The following ADGRB3 variants were observed in gnomAD, a reference collection of about 807,000 sequenced individuals.
ADGRB3 encodes brain-specific angiogenesis inhibitor 3.
Under a neutral mutation model 193.4 loss-of-function variants are expected in ADGRB3, and 37 were observed. The observed-to-expected ratio is 0.19, with a 90% confidence interval of 0.15 to 0.25. The LOEUF (loss-of-function observed/expected upper bound fraction) is 0.25, where lower values mean the gene tolerates loss of function less well. ADGRB3 is among the 10% of genes least tolerant of loss of function. ADGRB3 has a pLI of 1.00. For synonymous variants in ADGRB3, 690 were observed against 644.2 expected (o/e 1.07, Z -1.08); for missense variants, 1,637 against 1,852.9 (o/e 0.88, Z 2.14).
At chr6:68,884,896 C>T (rs927587827) in intron 3 of ADGRB3, among the ~76,000 whole-genome samples, 1 of 152,058 alleles carries the variant, frequency 6.6e-6, no homozygotes, top group Non-Finnish European at 1.5e-5. Context: ...CTTCCTATAC[C>T]TCCTAGAAGT....
intron 17 of ADGRB3, among the ~76,000 whole-genome samples, chr6:69,156,722 T>C (rs1018411413): frequency 6.6e-6 from 1 of 152,094 alleles, no homozygotes; most frequent in Non-Finnish European, 1.5e-5. Flanking sequence ...AAACAGAAAA[T>C]CCAATGTTGT....
intron 13 of ADGRB3, among the ~76,000 whole-genome samples, chr6:69,020,267 ATAAC>A (rs1433031868): frequency 6.6e-6 from 1 of 152,134 alleles, no homozygotes; most frequent in East Asian, 1.9e-4. Context: ...AATAAAAACT[ATAAC>A]AAACAAAGCC....
chr6:68,906,723 G>A (rs1234700835), intron 3 of ADGRB3, among the ~76,000 whole-genome samples: 1 of 151,920 alleles, frequency 6.6e-6, no homozygotes, highest in African/African-American at 2.4e-5. Context: ...ATGGTTAATG[G>A]AATGAGCATG....
At chr6:68,726,140 TTATC>T (rs1343729866) in intron 3 of ADGRB3, among the ~76,000 whole-genome samples, 1 of 151,658 alleles carries the variant, frequency 6.6e-6, no homozygotes, top group Non-Finnish European at 1.5e-5. Context: ...CTAGTGAAGA[TTATC>T]TATCAAATAT....
At chr6:69,283,460 G>C (rs1423499940) in intron 20 of ADGRB3, among the ~76,000 whole-genome samples, 1 of 152,082 alleles carries the variant, frequency 6.6e-6, no homozygotes, top group Non-Finnish European at 1.5e-5. Flanking sequence ...TTGGATAGGG[G>C]AAGACTGGGC....
chr6:69,148,526 T>C (rs890188891), intron 17 of ADGRB3, among the ~76,000 whole-genome samples: 2 of 152,188 alleles, frequency 1.3e-5, no homozygotes, highest in African/African-American at 4.8e-5. Flanking sequence ...TTTTGATTGG[T>C]TCATCCTTTA....
chr6:69,283,362 C>G (rs188615423), intron 20 of ADGRB3, among the ~76,000 whole-genome samples: 3 of 152,122 alleles, frequency 2.0e-5, no homozygotes, highest in African/African-American at 7.2e-5. Flanking sequence ...ATGCTTCACC[C>G]TTTTTCTCAA....
intron 15 of ADGRB3, among the ~76,000 whole-genome samples, chr6:69,060,055 G>C (rs748491021): frequency 6.6e-6 from 1 of 152,036 alleles, no homozygotes; most frequent in South Asian, 2.1e-4. Context: ...GTAGGTGCAC[G>C]TTACTGTATT....
chr6:68,686,246 A>C (rs888210313), intron 3 of ADGRB3, among the ~76,000 whole-genome samples: 1 of 152,190 alleles, frequency 6.6e-6, no homozygotes, highest in Non-Finnish European at 1.5e-5. Flanking sequence ...TTTTCTGCTA[A>C]ACCTTTGGCT....
At chr6:68,776,526 A>G (rs1209713680) in intron 3 of ADGRB3, among the ~76,000 whole-genome samples, 1 of 152,110 alleles carries the variant, frequency 6.6e-6, no homozygotes, top group East Asian at 1.9e-4. Context: ...CACCCAGACT[A>G]CTTTCTGCTA....
At chr6:68,768,416 C>A (rs1008134280) in intron 3 of ADGRB3, among the ~76,000 whole-genome samples, 1 of 152,068 alleles carries the variant, frequency 6.6e-6, no homozygotes, top group Non-Finnish European at 1.5e-5. Context: ...CTTTGACAAA[C>A]CTGACAAAAA....
chr6:68,894,371 A>G (rs1165841861), intron 3 of ADGRB3, among the ~76,000 whole-genome samples: 1 of 151,958 alleles, frequency 6.6e-6, no homozygotes, highest in Non-Finnish European at 1.5e-5. Context: ...TAATTGTTGA[A>G]CTTCCAGAAC....
intron 17 of ADGRB3, among the ~76,000 whole-genome samples, chr6:69,119,968 A>T (rs1346957789): frequency 6.6e-6 from 1 of 152,172 alleles, no homozygotes; most frequent in Non-Finnish European, 1.5e-5. Flanking sequence ...ATGAGAGATG[A>T]TGCCATCTCT....
chr6:69,011,219 GA>G (rs768540232), intron 11 of ADGRB3, among the ~76,000 whole-genome samples: 4 of 151,482 alleles, frequency 2.6e-5, no homozygotes, highest in Non-Finnish European at 2.9e-5. Flanking sequence ...CCAGCTGAAA[GA>G]AATGGTGCTA....
At chr6:69,113,220 C>T (rs934805718) in intron 17 of ADGRB3, among the ~76,000 whole-genome samples, 1 of 151,806 alleles carries the variant, frequency 6.6e-6, no homozygotes, top group African/African-American at 2.4e-5. Context: ...TGTATATGTA[C>T]AATATACATA....
chr6:69,150,776 T>C (rs769679220), intron 17 of ADGRB3, among the ~76,000 whole-genome samples: 5 of 152,222 alleles, frequency 3.3e-5, no homozygotes, highest in Non-Finnish European at 5.9e-5. Flanking sequence ...ACCTGGTTAT[T>C]GCTGCTGATT....
chr6:69,016,696 C>A (rs190667314), intron 12 of ADGRB3, among the ~76,000 whole-genome samples: 16 of 151,920 alleles, frequency 1.1e-4, no homozygotes, highest in African/African-American at 3.4e-4. Flanking sequence ...GAGAGACATT[C>A]CTGGATCTTT....
intron 3 of ADGRB3, among the ~76,000 whole-genome samples, chr6:68,859,644 A>G (rs549291209): frequency 2.0e-3 from 300 of 152,280 alleles, no homozygotes; most frequent in Non-Finnish European, 3.7e-3. Context: ...TAAAACCTTC[A>G]GATCTTGTGA....
intron 20 of ADGRB3, among the ~76,000 whole-genome samples, chr6:69,295,675 A>G (rs1767800623): frequency 6.6e-6 from 1 of 152,176 alleles, no homozygotes; most frequent in Non-Finnish European, 1.5e-5. Context: ...TCATGCAAAC[A>G]CCAAGGGAGG....
Sources: allele counts gnomAD v4.1 joint callset (sites outside exome capture counted in the v4.1 genomes callset), GRCh38; gene constraint gnomAD v4.1.1; transcripts MANE v1.5; gene names NCBI Gene and HGNC (gene_info 2026-07-23, HGNC 2026-07-21).